The following LIFR variants were observed in gnomAD, a reference collection of about 807,000 sequenced individuals.
LIFR encodes the protein leukemia inhibitory factor receptor.
A neutral mutation model predicts 122.2 loss-of-function variants in LIFR; 84 were observed. The observed-to-expected ratio is 0.69, with a 90% CI of 0.58 to 0.82. The LOEUF is 0.82. LIFR is among the 40% of genes least tolerant of loss of function. LIFR has a pLI of 0.00. For synonymous variants in LIFR, 422 were observed against 434.7 expected (o/e 0.97, Z 0.36); for missense variants, 1,294 against 1,311.6 (o/e 0.99, Z 0.21).
intron 5 of LIFR, among the ~76,000 whole-genome samples, chr5:38,517,214 T>C (rs1746131731): frequency 6.6e-6 from 1 of 151,944 alleles, no homozygotes; most frequent in African/African-American, 2.4e-5. Context: ...TAAAAAATTA[T>C]AAAATTTAAT....
At chr5:38,587,728 C>A (rs1008533290) in intron 1 of LIFR, among the ~76,000 whole-genome samples, 6 of 152,222 alleles carry the variant, frequency 3.9e-5, no homozygotes, top group African/African-American at 1.4e-4. Context: ...CCCAAAGTCA[C>A]TTTAAAGCTG....
At chr5:38,581,232 A>G (rs1472041929) in intron 1 of LIFR, among the ~76,000 whole-genome samples, 2 of 151,904 alleles carry the variant, frequency 1.3e-5, no homozygotes, top group Non-Finnish European at 1.5e-5. Flanking sequence ...AAAAAAAAAA[A>G]CTTATCAGGT....
intron 1 of LIFR, among the ~76,000 whole-genome samples, chr5:38,578,377 T>TTAAAA (rs1351323509): frequency 1.3e-5 from 2 of 150,856 alleles, no homozygotes; most frequent in East Asian, 2.0e-4. Flanking sequence ...CAGCTAATTT[T>TTAAAA]GTATTTTTAG....
At chr5:38,548,462 T>G (rs1419204122) in intron 1 of LIFR, among the ~76,000 whole-genome samples, 2 of 152,220 alleles carry the variant, frequency 1.3e-5, no homozygotes. Context: ...CTGCAGTAAC[T>G]ATCTATTTAT....
rs538973139 is a variant in LIFR, at chr5:38,523,326, T to A, written c.561+93A>T. The A allele has an allele frequency of 1.0e-5, 10 of 1,000,228 alleles. No individual in the cohort carries two copies. The Admixed American group carries it at 2.3e-4, about 23-fold the overall frequency. 62.0% of individuals were successfully genotyped at this position (1,000,228 alleles called of 1,614,324 possible). On this transcript the variant is annotated intron_variant, in intron 5 of 19. Coordinates refer to ENST00000453190, the MANE Select transcript of LIFR (RefSeq NM_001127671.2). ...GGTATCTGATTTACTTCCTAAATAA[T>A]CCAAAAGTTCACTGATACCACCTTA...
chr5:38,483,007 T>C (rs1416341247), intron 18 of LIFR, among the ~76,000 whole-genome samples: 2 of 152,230 alleles, frequency 1.3e-5, no homozygotes. Flanking sequence ...ACTGCTTTAC[T>C]GAGGTGGTTA....
chr5:38,524,250 C>G (rs887164574), intron 4 of LIFR, among the ~76,000 whole-genome samples: 1 of 152,196 alleles, frequency 6.6e-6, no homozygotes, highest in Non-Finnish European at 1.5e-5. Context: ...TACTGATTTT[C>G]AATACCATTA....
intron 1 of LIFR, chr5:38,550,228 G>GT (rs1748128031): frequency 1.0e-6 from 1 of 967,626 alleles, no homozygotes; most frequent in Non-Finnish European, 1.2e-6. Flanking sequence ...ATTAGATTTG[G>GT]TTTTAAACAA....
Position 38,481,624 on chromosome 5 carries a change from T to C in LIFR, c.3265A>G (p.Asn1089Asp), listed in dbSNP as rs746641016. Residue 1089 changes from asparagine to aspartate, a missense_variant, in exon 20 of 20, where the codon AAC (asparagine) becomes GAC (aspartate). Physicochemically the swap from Asn to Asp is conservative, Grantham distance 23 (BLOSUM62 1). Coordinates refer to ENST00000453190, the MANE Select transcript of LIFR (RefSeq NM_001127671.2). ...KSNGGGWSFT[N>D]FFQNKPND is the part of the protein sequence containing the mutation. ...TCGTTTGGTTTGTTCTGAAAAAAGT[T>C]TGTAAAGGACCACCCTCCTCCATTA... 3 of 1,614,112 alleles carry C rather than the reference T, an allele frequency of 1.9e-6. No homozygotes were observed. The highest frequency in any genetic ancestry group is 1.3e-5 in the African/African-American group (1 of 75,036).
At chr5:38,587,438 G>C (rs1007332739) in intron 1 of LIFR, among the ~76,000 whole-genome samples, 74 of 151,622 alleles carry the variant, frequency 4.9e-4, no homozygotes, top group Admixed American at 1.1e-3. Context: ...GGACAAGACG[G>C]CCCAGGAGCA....
chr5:38,528,050 C>A (rs1746785542), intron 3 of LIFR, among the ~76,000 whole-genome samples: 1 of 152,204 alleles, frequency 6.6e-6, no homozygotes, highest in African/African-American at 2.4e-5. Context: ...CATGGTGAGG[C>A]TTCTTTAGGC....
At chr5:38,597,267 C>T (rs3812044), upstream of LIFR, among the ~76,000 whole-genome samples, 1,394 of 152,212 alleles carry the variant, frequency 9.2e-3, 120 homozygotes, top group East Asian at 0.2. Flanking sequence ...AGAGAATGGC[C>T]GTAAACAGGA....
chr5:38,483,154 T>C (rs919601840), intron 18 of LIFR, among the ~76,000 whole-genome samples: 1 of 151,086 alleles, frequency 6.6e-6, no homozygotes, highest in African/African-American at 2.4e-5. Context: ...GTCATAAAAG[T>C]GATAGCCACG....
chr5:38,533,281 C>T (rs766087050), intron 1 of LIFR, among the ~76,000 whole-genome samples: 1 of 152,158 alleles, frequency 6.6e-6, no homozygotes, highest in Non-Finnish European at 1.5e-5. Context: ...AACCCTTCTG[C>T]TAAAGAAAAG....
intron 8 of LIFR, 96 bp downstream of exon 8, chr5:38,506,407 T>C: frequency 1.4e-6 from 2 of 1,435,478 alleles, no homozygotes; most frequent in Non-Finnish European, 2.0e-6. Flanking sequence ...ATATCTTGTT[T>C]GTAACATAAA....
intron 1 of LIFR, among the ~76,000 whole-genome samples, chr5:38,572,056 A>G (rs1749231454): frequency 2.6e-5 from 4 of 152,312 alleles, no homozygotes; most frequent in South Asian, 4.1e-4. Flanking sequence ...TATGGAGAAA[A>G]ACGATTCAAA....
intron 12 of LIFR, among the ~76,000 whole-genome samples, chr5:38,497,502 C>T (rs1444662757): frequency 6.6e-6 from 1 of 152,222 alleles, no homozygotes. Flanking sequence ...AAGCACTGCT[C>T]TACTTAGCAA....
chr5:38,482,336 T>TA (rs200842494), intron 19 of LIFR, 118 bp from the exon 20 acceptor site: 9 of 957,486 alleles, frequency 9.4e-6, no homozygotes, highest in South Asian at 6.9e-5. Context: ...TCTCTACTAC[T>TA]CTGTATTTCA....
At chr5:38,484,195 C>T (rs564616275) in intron 18 of LIFR, among the ~76,000 whole-genome samples, 1 of 152,378 alleles carries the variant, frequency 6.6e-6, no homozygotes, top group Admixed American at 6.5e-5. Flanking sequence ...ACGTAGCCCC[C>T]TGCTGGTCTC....
Sources: allele counts gnomAD v4.1 joint callset (sites outside exome capture counted in the v4.1 genomes callset), GRCh38; gene constraint gnomAD v4.1.1; transcripts MANE v1.5; gene names NCBI Gene and HGNC (gene_info 2026-07-23, HGNC 2026-07-21).